CEP76: variants seen among roughly 807,000 people sequenced by gnomAD.
CEP76 encodes the protein centrosomal protein of 76 kDa.
A neutral mutation model predicts 83.3 loss-of-function variants in CEP76; 55 were observed. The observed-to-expected ratio is 0.66, with a 90% CI of 0.53 to 0.83. CEP76 has a LOEUF of 0.83. CEP76 is among the 40% of genes least tolerant of loss of function. The probability of loss-of-function intolerance (pLI) is 0.00; values close to 1 mark genes in which losing one functional copy is unlikely to be tolerated. For synonymous variants in CEP76, 270 were observed against 274.5 expected (o/e 0.98, Z 0.16); for missense variants, 694 against 799.5 (o/e 0.87, Z 1.59).
chr18:12,702,561 C>T lies in CEP76; in HGVS notation c.-13G>A. 6.4e-7 allele frequency: 1 copy of T among 1,560,312 alleles called. No homozygotes were observed. ...GAGGCAGCGACATGCTGGCAGCCGG[C>T]GTCTCCCCGCCGCTTCTCCCCGCCT... is the stretch of plus-strand genomic sequence containing the variant. On this transcript the variant is annotated 5_prime_UTR_variant, in exon 1 of 12. Coordinates refer to ENST00000262127, the MANE Select transcript of CEP76 (RefSeq NM_024899.4).
chr18:12,683,806 A>G (rs182561988), intron 8 of CEP76, among the ~76,000 whole-genome samples: 79 of 152,142 alleles, frequency 5.2e-4, no homozygotes, highest in African/African-American at 1.7e-3. Flanking sequence ...AAAAATGTTC[A>G]TAGCATAATG....
In CEP76 at chr18:12,678,436, G is replaced by A; in HGVS notation, c.1296C>T (p.Ile432=). 6.4e-7 allele frequency: 1 copy of A among 1,572,754 alleles called. No individual in the cohort carries two copies. The highest frequency in any genetic ancestry group is 1.4e-5 in the African/African-American group (1 of 73,202). ...GTTCATCAGGATTGGTAGGTTTATG[G>A]ATGTACCTAAAAAAATTAAATAATT... ...FWESLTGHRY[I]HKPTNPDEPP... is the part of the protein sequence containing the mutation. The change falls in exon 10 of 12, where the codon ATC becomes ATT. Residue 432 remains isoleucine, a synonymous_variant. Transcript: ENST00000262127.
In CEP76 at chr18:12,691,394, A is replaced by T; in HGVS notation, c.898T>A (p.Ser300Thr). 2.5e-6 allele frequency: 4 copies of T among 1,606,968 alleles called. No homozygotes were observed. The highest frequency in any genetic ancestry group is 2.6e-6 in the Non-Finnish European group (3 of 1,176,214). ...WWREYLQIRP[S>T]HNSRLVKIFA... The stretch of plus-strand genomic sequence containing the variant: ...ATCTTAACCAGTCGTGAGTTGTGTG[A>T]GGGTCGAATTTGCAAATATTCTCTC... The change falls in exon 7 of 12, where the codon TCA becomes ACA. Residue 300 changes from serine (S) to threonine (T), a missense_variant. Transcript: ENST00000262127.
At chr18:12,665,207 C>T (rs1485703153) in intron 12 of CEP76, 1 of 152,116 alleles carries the variant, frequency 6.6e-6, no homozygotes, top group African/African-American at 2.4e-5. Context: ...GAATTCAGCA[C>T]ATTCCAGATG....
rs1238297240 is a variant in CEP76 at position 12,699,108 on chromosome 18, G to A, written c.391C>T (p.Gln131Ter). 1 of 1,614,072 alleles carries A rather than the reference G, an allele frequency of 6.2e-7. No individual in the cohort carries two copies. Among genetic ancestry groups the A allele is most frequent in the Non-Finnish European group, 8.5e-7 (1 of 1,179,970 alleles). Residue 131 changes from glutamine to a stop codon, truncating the protein, a stop_gained, in exon 4 of 12, where the codon CAA becomes TAA. Transcript: ENST00000262127. LOFTEE classifies it high-confidence loss of function. ...HLQEPEPLPG[Q>*]VCSTFTLCLH... ...CATAAAGTAAACGTTGAACAAACTT[G>A]TCCAGGTAAAGGCTCAGGTTCTTGC... is the stretch of plus-strand genomic sequence containing the variant.
At position 12,699,222 on chromosome 18, in the gene CEP76, T is replaced by C. The variant is rs778729435; in HGVS notation, c.296-19A>G. The stretch of plus-strand genomic sequence containing the variant: ...ATATTAGCTGTAAAGTGTAGCAATA[T>C]ATATGAGGAAACTGCCAAATAACTT... On this transcript the variant is annotated intron_variant, in intron 3 of 11. Transcript: ENST00000262127. The C allele has an allele frequency of 1.3e-6, 2 of 1,515,284 alleles. No homozygotes were observed. Among genetic ancestry groups the C allele is most frequent in the Non-Finnish European group, 1.8e-6 (2 of 1,102,008 alleles). 93.9% of individuals were successfully genotyped at this position (1,515,284 alleles called of 1,614,324 possible). A position where few individuals can be genotyped will look rare whatever the true frequency, so the allele number is the denominator to read the frequency against.
At chr18:12,685,636 T>C (rs1664156263) in intron 8 of CEP76, 1 of 129,892 alleles carries the variant, frequency 7.7e-6, no homozygotes. Context: ...TATAAAATAG[T>C]ATTTTTTTTT....
At chr18:12,701,157 G>A in intron 1 of CEP76, 44 bp from the exon 2 acceptor site, 2 of 1,456,950 alleles carry the variant, frequency 1.4e-6, no homozygotes, top group Non-Finnish European at 9.5e-7. Context: ...TCACAAAGCA[G>A]TCAAATACTG....
At chr18:12,683,881 T>C (rs2039442733) in intron 8 of CEP76, among the ~76,000 whole-genome samples, 2 of 151,902 alleles carry the variant, frequency 1.3e-5, no homozygotes, top group East Asian at 3.9e-4. Flanking sequence ...ATGATACATA[T>C]ACAGCAGAAA....
intron 11 of CEP76, among the ~76,000 whole-genome samples, chr18:12,674,105 TA>T (rs2039031854): frequency 6.6e-6 from 1 of 151,998 alleles, no homozygotes; most frequent in African/African-American, 2.4e-5. Context: ...TCAGTCATTG[TA>T]AAAGCTCCCA....
intron 8 of CEP76, chr18:12,685,184 G>C (rs2039498367): frequency 6.6e-6 from 1 of 151,876 alleles, no homozygotes; most frequent in Non-Finnish European, 1.5e-5. Context: ...ACTTTTAGTG[G>C]AGACGGAGTT....
chr18:12,681,256 A>AT (rs34816720), intron 8 of CEP76, among the ~76,000 whole-genome samples: 9,767 of 115,326 alleles, frequency 0.085, 650 homozygotes, highest in Non-Finnish European at 0.13. Flanking sequence ...AAAGTAGAAC[A>AT]TTTTTTTTTT....
chr18:12,669,933 G>GTTGCGGTGAGCCGAGA (rs200051048), downstream of CEP76, among the ~76,000 whole-genome samples: 118,693 of 149,506 alleles, frequency 0.79, 47,606 homozygotes, highest in Non-Finnish European at 0.83. Context: ...GGAGGCGGAG[G>GTTGCGGTGAGCCGAGA]TTGCGGTGAG....
At chr18:12,667,697 G>T (rs1376524538), downstream of CEP76, among the ~76,000 whole-genome samples, 1 of 150,516 alleles carries the variant, frequency 6.6e-6, no homozygotes, top group Admixed American at 6.7e-5. Context: ...GGAGGCAGAG[G>T]TTGCAGTGAA....
intron 2 of CEP76, 50 bp from the exon 3 acceptor site, chr18:12,699,955 G>T: frequency 7.9e-7 from 1 of 1,262,050 alleles, no homozygotes; most frequent in Admixed American, 2.4e-5. Flanking sequence ...ACAATTATAG[G>T]TTAAGGAAAT....
chr18:12,702,693 G>A lies in CEP76; in HGVS notation c.-145C>T, dbSNP rs1200031582. Reference sequence around the variant, plus strand: ...TAGCGCAGCTCCCGGGGGACGCAACGCCGCGTCAGGCCGGGGGCTGACCTG... The same window carrying A: ...TAGCGCAGCTCCCGGGGGACGCAACACCGCGTCAGGCCGGGGGCTGACCTG... On this transcript the variant is annotated 5_prime_UTR_variant, in exon 1 of 12. Transcript: ENST00000262127. 2 of 864,534 alleles carry A rather than the reference G, an allele frequency of 2.3e-6. No individual in the cohort carries two copies. The highest frequency in any genetic ancestry group is 3.0e-5 in the East Asian group (1 of 33,660). The allele number at this position is 864,534 out of a possible 1,614,324, so 53.6% of individuals were successfully genotyped here.
chr18:12,663,052 A>G (rs1000113143), intron 12 of CEP76, among the ~76,000 whole-genome samples: 8 of 152,324 alleles, frequency 5.3e-5, no homozygotes, highest in Admixed American at 4.6e-4. Flanking sequence ...ATTTTAGGCC[A>G]AGCCACTATT....
At chr18:12,685,194 T>TTC (rs1218421598) in intron 8 of CEP76, 3 of 151,978 alleles carry the variant, frequency 2.0e-5, no homozygotes, top group African/African-American at 7.3e-5. Context: ...GAGACGGAGT[T>TTC]TCTCCACGTT....
chr18:12,678,186 C>A lies in CEP76; in HGVS notation c.1546G>T (p.Ala516Ser), dbSNP rs756863527. ...GTTACTGACGCGTCAATTGTGGATG[C>A]ACACAGAGGTGGAAAGGGAGGAAGG... ...TSLPPFPPLCASTIDASVTSN... is the reference protein window; with the variant it reads ...TSLPPFPPLCSSTIDASVTSN... The change falls in exon 10 of 12, where the codon GCA becomes TCA. Residue 516 changes from alanine (A) to serine (S), a missense_variant. Ala to Ser is a moderately conservative substitution (Grantham distance 99). Transcript: ENST00000262127. The A allele has an allele frequency of 1.2e-6, 2 of 1,614,178 alleles. No individual in the cohort carries two copies. The highest frequency in any genetic ancestry group is 1.1e-5 in the South Asian group (1 of 91,086).
Sources: allele counts gnomAD v4.1 joint callset (sites outside exome capture counted in the v4.1 genomes callset), GRCh38; gene constraint gnomAD v4.1.1; transcripts MANE v1.5; gene names NCBI Gene and HGNC (gene_info 2026-07-23, HGNC 2026-07-21).